SYK: variants seen among roughly 807,000 people sequenced by gnomAD.
The protein encoded by SYK is spleen associated tyrosine kinase, also known as tyrosine-protein kinase SYK.
A neutral mutation model predicts 77.8 loss-of-function variants in SYK; 16 were observed. The ratio of observed to expected loss-of-function variants is 0.21; its 90% CI spans 0.14 to 0.31. The LOEUF is 0.31. Ranked by LOEUF, SYK falls within the 10% of genes least tolerant of loss-of-function variation. The pLI, the probability that SYK is intolerant of heterozygous loss-of-function variation, is 1.00. For synonymous variants in SYK, 312 were observed against 308.7 expected, an observed-to-expected ratio of 1.01 and a Z score of -0.11; for missense variants, 529 against 814.4, an observed-to-expected ratio of 0.65 and a Z score of 4.26.
chr9:90,810,749 TAAAG>T (rs1382070402), intron 1 of SYK, among the ~76,000 whole-genome samples: 2 of 152,050 alleles, frequency 1.3e-5, no homozygotes, highest in Non-Finnish European at 2.9e-5. Context: ...TGCAAAAACT[TAAAG>T]AGAGAGAGAC....
At position 90,895,678 on chromosome 9, in the gene SYK, C is replaced by A; in HGVS notation, c.*78C>A. 7.4e-7 allele frequency: 1 copy of A among 1,360,400 alleles called. No homozygotes were observed. Among genetic ancestry groups the A allele is most frequent in the Non-Finnish European group, 1.0e-6 (1 of 955,838 alleles). The allele number at this position is 1,360,400 out of a possible 1,614,324, so 84.3% of individuals were successfully genotyped here. On this transcript the variant is annotated 3_prime_UTR_variant, in exon 14 of 14. Transcript: ENST00000375754. This position sits in a 1 kb window ranked among gnomAD's most constrained non-coding sequence, Gnocchi z 4.4. Reference sequence around the variant, plus strand: ...AAATGTATCCAGAGGAATTGATTGTCAGCCACCTCCCTCTGCCAGTCGGGA... The same window carrying A: ...AAATGTATCCAGAGGAATTGATTGTAAGCCACCTCCCTCTGCCAGTCGGGA...
At chr9:90,887,227 A>G (rs1044698038) in intron 11 of SYK, among the ~76,000 whole-genome samples, 2 of 152,124 alleles carry the variant, frequency 1.3e-5, no homozygotes, top group Admixed American at 6.5e-5. Context: ...AGGCTCATGC[A>G]TATTGTAGTG....
chr9:90,892,643 G>A (rs1828840198), intron 13 of SYK, among the ~76,000 whole-genome samples: 1 of 152,202 alleles, frequency 6.6e-6, no homozygotes, highest in African/African-American at 2.4e-5. Context: ...AGAAAAGCAG[G>A]AATCAGTCAG....
chr9:90,841,421 T>C (rs942735784), intron 1 of SYK, among the ~76,000 whole-genome samples: 1 of 143,186 alleles, frequency 7.0e-6, no homozygotes, highest in Admixed American at 6.7e-5. Context: ...GTGTGTAAGA[T>C]GTGTGTAGTG....
intron 7 of SYK, among the ~76,000 whole-genome samples, chr9:90,868,575 A>G (rs916108746): frequency 1.3e-5 from 2 of 152,242 alleles, no homozygotes; most frequent in African/African-American, 2.4e-5. Flanking sequence ...AGTAGTTTAT[A>G]GTAAAGCAAA....
rs1200800749 is a variant in SYK at position 90,895,568 on chromosome 9, C to T, written c.1876C>T (p.Leu626=). ...RPGFAAVELR[L]RNYYYDVVN ...CGGATTCGCAGCAGTGGAACTGCGG[C>T]TGCGCAATTACTACTATGACGTGGT... Residue 626 remains leucine (L), a synonymous_variant, in exon 14 of 14, where the codon CTG becomes TTG. Coordinates refer to ENST00000375754, the MANE Select transcript of SYK (RefSeq NM_003177.7). The surrounding 1 kb of genome is among the most constrained non-coding windows in gnomAD (Gnocchi z 4.4). 1.2e-6 allele frequency: 2 copies of T among 1,614,042 alleles called. No homozygotes were observed. The highest frequency in any genetic ancestry group is 1.7e-6 in the Non-Finnish European group (2 of 1,180,034).
intron 11 of SYK, among the ~76,000 whole-genome samples, chr9:90,887,259 T>C (rs1323610568): frequency 6.6e-6 from 1 of 152,224 alleles, no homozygotes; most frequent in Non-Finnish European, 1.5e-5. Flanking sequence ...TTTTGAAGGC[T>C]GAATGCTATT....
chr9:90,866,551 A>G (rs186994206), intron 6 of SYK, among the ~76,000 whole-genome samples: 14 of 152,294 alleles, frequency 9.2e-5, no homozygotes, highest in Non-Finnish European at 1.9e-4. Flanking sequence ...AGATCCATAC[A>G]CCCTTCAGAT....
intron 13 of SYK, among the ~76,000 whole-genome samples, chr9:90,889,266 A>G (rs1429401893): frequency 6.6e-6 from 1 of 152,230 alleles, no homozygotes; most frequent in Non-Finnish European, 1.5e-5. Context: ...TTAGGAGTAC[A>G]GTTTTGCCAG....
intron 1 of SYK, among the ~76,000 whole-genome samples, chr9:90,816,640 A>T (rs1476204997): frequency 2.0e-5 from 3 of 152,240 alleles, no homozygotes; most frequent in Non-Finnish European, 1.5e-5. Flanking sequence ...ATAAATGCTT[A>T]TCATTAATCC....
At chr9:90,813,762 A>G (rs575786095) in intron 1 of SYK, among the ~76,000 whole-genome samples, 8 of 152,302 alleles carry the variant, frequency 5.3e-5, no homozygotes, top group Middle Eastern at 3.4e-3. Flanking sequence ...AGATTTTATA[A>G]GAGGGTCACA....
intron 1 of SYK, among the ~76,000 whole-genome samples, chr9:90,833,289 C>A (rs1825959744): frequency 6.6e-6 from 1 of 152,106 alleles, no homozygotes; most frequent in Admixed American, 6.6e-5. Context: ...GACTGAAGAC[C>A]CATACTTAAA....
intron 1 of SYK, among the ~76,000 whole-genome samples, chr9:90,823,376 G>A (rs1825579665): frequency 6.6e-6 from 1 of 152,140 alleles, no homozygotes. Flanking sequence ...AATGACCTAA[G>A]CAGTACTGTC....
intron 1 of SYK, among the ~76,000 whole-genome samples, chr9:90,815,897 C>T (rs1224805201): frequency 6.6e-6 from 1 of 152,170 alleles, no homozygotes. Flanking sequence ...CTAGATAATT[C>T]TAGAGCAACT....
chr9:90,891,934 G>C (rs1828809089), intron 13 of SYK, among the ~76,000 whole-genome samples: 2 of 152,170 alleles, frequency 1.3e-5, no homozygotes, highest in Admixed American at 1.3e-4. Flanking sequence ...AAAGCCCTGA[G>C]AAGGCAGACA....
intron 1 of SYK, among the ~76,000 whole-genome samples, chr9:90,825,491 T>TTCTG (rs1158082182): frequency 6.6e-6 from 1 of 152,222 alleles, no homozygotes; most frequent in African/African-American, 2.4e-5. Flanking sequence ...CAGATACAAT[T>TTCTG]TCTGCCCTTA....
At chr9:90,817,866 TGTGTGTGTGTGTGTGTGAGAGAGAGA>T (rs1240373413) in intron 1 of SYK, among the ~76,000 whole-genome samples, 2 of 141,768 alleles carry the variant, frequency 1.4e-5, no homozygotes, top group Middle Eastern at 3.5e-3. Flanking sequence ...TGTGTGTGTG[TGTGTGTGTGTGTGTGTGAGAGAGAGA>T]GAGAGAGAGA....
At position 90,895,922 on chromosome 9, in the gene SYK, C is replaced by T. The variant is rs201168587; in HGVS notation, c.*322C>T. On this transcript the variant is annotated 3_prime_UTR_variant, in exon 14 of 14. Transcript: ENST00000375754. The surrounding 1 kb of genome is among the most constrained non-coding windows in gnomAD (Gnocchi z 4.4). The stretch of plus-strand genomic sequence containing the variant: ...TCATGTCTTTCCACTTCTCTGGGTC[C>T]CGGGGTGCATTTGTTACTCATCGGG... The T allele has an allele frequency of 1.4e-4, 53 of 367,800 alleles. No individual in the cohort carries two copies. Among genetic ancestry groups the T allele is most frequent in the African/African-American group, 1.0e-3 (52 of 50,168 alleles). 22.8% of individuals were successfully genotyped at this position (367,800 alleles called of 1,614,324 possible). A position where few individuals can be genotyped will look rare whatever the true frequency, so the allele number is the denominator to read the frequency against.
At chr9:90,871,227 C>T (rs139291563) in intron 7 of SYK, among the ~76,000 whole-genome samples, 44 of 152,260 alleles carry the variant, frequency 2.9e-4, no homozygotes, top group Middle Eastern at 3.4e-3. Context: ...TGCCATCTAG[C>T]GGTGGACTGA....
Sources: allele counts gnomAD v4.1 joint callset (sites outside exome capture counted in the v4.1 genomes callset), GRCh38; gene constraint gnomAD v4.1.1; non-coding constraint Gnocchi (gnomAD v3.1); transcripts MANE v1.5; gene names NCBI Gene and HGNC (gene_info 2026-07-23, HGNC 2026-07-21).